The following ACSL5 variants were observed in gnomAD, a reference collection of about 807,000 sequenced individuals.
ACSL5 encodes acyl-CoA synthetase long chain family member 5, also known as long-chain-fatty-acid--CoA ligase 5.
In ACSL5, 50 loss-of-function variants were observed where a neutral mutation model predicts 84.9. The ratio of observed to expected loss-of-function variants is 0.59; its 90% CI spans 0.47 to 0.75. The LOEUF (loss-of-function observed/expected upper bound fraction) is 0.75. ACSL5 is among the 30% of genes least tolerant of loss of function. The pLI, the probability that ACSL5 is intolerant of heterozygous loss-of-function variation, is 0.00. For synonymous variants in ACSL5, 280 were observed against 300.7 expected, an observed-to-expected ratio of 0.93 and a Z score of 0.71; for missense variants, 775 against 830.4, an observed-to-expected ratio of 0.93 and a Z score of 0.82.
chr10:112,401,198 A>G (rs1843879985), intron 3 of ACSL5, among the ~76,000 whole-genome samples: 1 of 152,160 alleles, frequency 6.6e-6, no homozygotes, highest in Admixed American at 6.5e-5. Flanking sequence ...CCTGGGTAAC[A>G]GAGGGACACT....
intron 1 of ACSL5, among the ~76,000 whole-genome samples, chr10:112,387,408 G>T (rs926269922): frequency 1.3e-5 from 2 of 152,198 alleles, no homozygotes; most frequent in Non-Finnish European, 2.9e-5. Context: ...GTATGCTCAT[G>T]ATGCTAATGG....
intron 3 of ACSL5, among the ~76,000 whole-genome samples, chr10:112,400,803 C>T (rs1390870599): frequency 1.3e-5 from 2 of 152,080 alleles, no homozygotes; most frequent in East Asian, 1.9e-4. Flanking sequence ...ACCCCCTCCC[C>T]GACTCCAGCC....
At chr10:112,386,181 CTTTTTTTTTTTT>C (rs11286757) in intron 1 of ACSL5, among the ~76,000 whole-genome samples, 2 of 71,830 alleles carry the variant, frequency 2.8e-5, no homozygotes, top group African/African-American at 5.6e-5. Flanking sequence ...TCCTATAGCT[CTTTTTTTTTTTT>C]TTTTTTTTTT....
chr10:112,423,891 TGAG>T (rs1844573889), intron 17 of ACSL5, among the ~76,000 whole-genome samples: 1 of 152,106 alleles, frequency 6.6e-6, no homozygotes, highest in African/African-American at 2.4e-5. Context: ...TTTAGGAGAC[TGAG>T]GAGGGAGAAT....
chr10:112,411,288 C>T, intron 9 of ACSL5, 168 bp from the exon 10 acceptor site: 1 of 606,286 alleles, frequency 1.6e-6, no homozygotes, highest in Non-Finnish European at 2.9e-6. Context: ...TCTCCGGGGG[C>T]ATTAATTATT....
At position 112,422,464 on chromosome 10, in the gene ACSL5, T is replaced by C. The variant is rs755338222; in HGVS notation, c.1593+23T>C. On this transcript the variant is annotated intron_variant, in intron 17 of 20. Coordinates refer to ENST00000354655, the MANE Select transcript of ACSL5 (RefSeq NM_203379.2). ...CCGGTAGGTATATCATCAGAACTCC[T>C]GGAAGTCTATGCTAATGGACTGAGA... is the stretch of plus-strand genomic sequence containing the variant. The C allele has an allele frequency of 4.4e-6, 7 of 1,596,872 alleles. No individual in the cohort carries two copies. In the Admixed American group the frequency reaches 1.0e-4, roughly 23 times the overall value.
At chr10:112,424,766 G>T (rs566949299) in intron 17 of ACSL5, 15 of 152,324 alleles carry the variant, frequency 9.8e-5, no homozygotes, top group African/African-American at 3.4e-4. Flanking sequence ...AGACCAATTA[G>T]TTCAGAGAAA....
chr10:112,391,090 G>A (rs1589676465), intron 1 of ACSL5, among the ~76,000 whole-genome samples: 1 of 152,148 alleles, frequency 6.6e-6, no homozygotes, highest in East Asian at 1.9e-4. Flanking sequence ...TTTAAAAATT[G>A]AGGAAGGGCC....
In ACSL5 at chr10:112,395,083, A is replaced by C; in HGVS notation, c.137A>C (p.Asn46Thr). 6.2e-7 allele frequency: 1 copy of C among 1,613,934 alleles called. No individual in the cohort carries two copies. Among genetic ancestry groups the C allele is most frequent in the Non-Finnish European group, 8.5e-7 (1 of 1,179,942 alleles). Residue 46 changes from asparagine (N) to threonine (T), a missense_variant, in exon 2 of 21, where the codon AAT (asparagine) becomes ACT (threonine). By Grantham distance (65) the Asn-to-Thr change is moderately conservative. Coordinates refer to ENST00000354655, the MANE Select transcript of ACSL5 (RefSeq NM_203379.2). The stretch of plus-strand genomic sequence containing the variant: ...GTCTTACCTCTTCTTGACCTGAACA[A>C]TCAGTCTGTGGGAATTGAGGTAATT... Reference protein sequence around the residue: ...QPVLPLLDLNNQSVGIEGGAR... With the variant: ...QPVLPLLDLNTQSVGIEGGAR...
At chr10:112,416,331 C>T (rs745564710) in intron 12 of ACSL5, among the ~76,000 whole-genome samples, 55 of 151,888 alleles carry the variant, frequency 3.6e-4, no homozygotes, top group Non-Finnish European at 6.9e-4. Context: ...GCTAGCTGGG[C>T]GTGGTGGCGG....
chr10:112,375,220 C>T (rs1030626069), intron 1 of ACSL5: 3 of 152,094 alleles, frequency 2.0e-5, no homozygotes, highest in African/African-American at 7.2e-5. Flanking sequence ...GAGCTGAGTT[C>T]CTGAAACTAA....
rs1339897414 is a variant in ACSL5, at chr10:112,421,631, C to T, written c.1353C>T (p.Gly451=). 1 of 1,614,146 alleles carries T rather than the reference C, an allele frequency of 6.2e-7. No homozygotes were observed. Among genetic ancestry groups the T allele is most frequent in the Non-Finnish European group, 8.5e-7 (1 of 1,179,990 alleles). ...EAYGQTECTG[G]CTFTLPGDWT... is the part of the protein sequence containing the mutation. ...ATGGTCAAACAGAATGCACAGGTGG[C>T]TGTACATTTACATTACCTGGGGACT... Residue 451 remains glycine (G), a synonymous_variant, in exon 15 of 21, where the codon GGC becomes GGT. Coordinates refer to ENST00000354655, the MANE Select transcript of ACSL5 (RefSeq NM_203379.2).
At chr10:112,413,084 C>T in intron 11 of ACSL5, 89 bp from the exon 12 acceptor site, 2 of 1,465,356 alleles carry the variant, frequency 1.4e-6, no homozygotes, top group Non-Finnish European at 1.9e-6. Flanking sequence ...GGTTGTTTGC[C>T]TCAGCCCACC....
chr10:112,379,641 A>G (rs1035349058), intron 1 of ACSL5, among the ~76,000 whole-genome samples: 3 of 152,206 alleles, frequency 2.0e-5, no homozygotes, highest in East Asian at 1.9e-4. Flanking sequence ...TACACACAGC[A>G]TCTCCTTTAA....
intron 3 of ACSL5, among the ~76,000 whole-genome samples, chr10:112,404,129 T>C (rs550640218): frequency 3.9e-5 from 6 of 152,232 alleles, no homozygotes; most frequent in Non-Finnish European, 7.3e-5. Context: ...ATAGTTTTTA[T>C]TGTAGGGAAG....
Position 112,422,431 on chromosome 10 carries a change from G to T in ACSL5, c.1583G>T (p.Arg528Leu). 1 of 1,613,892 alleles carries T rather than the reference G, an allele frequency of 6.2e-7. No individual in the cohort carries two copies. The highest frequency in any genetic ancestry group is 8.5e-7 in the Non-Finnish European group (1 of 1,179,864). Reference protein sequence around the residue: ...DGWLHTGDIGRWLPNGTLKII... With the variant: ...DGWLHTGDIGLWLPNGTLKII... ...TGGCTTCACACAGGAGACATTGGTC[G>T]CTGGCTCCCGGTAGGTATATCATCA... Residue 528 changes from arginine to leucine, a missense_variant, in exon 17 of 21, where the codon CGC becomes CTC. Physicochemically the swap from Arg to Leu is moderately radical, Grantham distance 102. Coordinates refer to ENST00000354655, the MANE Select transcript of ACSL5 (RefSeq NM_203379.2).
intron 15 of ACSL5, 97 bp from the exon 16 acceptor site, chr10:112,421,850 T>G: frequency 7.0e-7 from 1 of 1,418,480 alleles, no homozygotes; most frequent in Non-Finnish European, 9.9e-7. Flanking sequence ...TTTTTCAGTC[T>G]TCCTCTTCTA....
At chr10:112,379,477 T>C (rs1849307349) in intron 1 of ACSL5, among the ~76,000 whole-genome samples, 3 of 151,312 alleles carry the variant, frequency 2.0e-5, no homozygotes, top group Admixed American at 2.0e-4. Context: ...GGGGCAGTAA[T>C]CGTTCAAGAC....
intron 17 of ACSL5, 121 bp downstream of exon 17, chr10:112,422,562 A>C (rs1435021187): frequency 3.4e-6 from 3 of 879,098 alleles, no homozygotes; most frequent in Non-Finnish European, 5.4e-6. Context: ...GGAGGGGATT[A>C]GGTTTGTACC....
Sources: gnomAD v4.1 joint callset for allele counts (sites outside exome capture counted in the v4.1 genomes callset) on GRCh38, gnomAD v4.1.1 for gene constraint, MANE v1.5 for transcripts, NCBI Gene and HGNC (gene_info 2026-07-23, HGNC 2026-07-21) for gene names.